Variants in SRGAP2B observed in about 807,000 individuals in gnomAD.
SRGAP2B encodes the protein SLIT-ROBO Rho GTPase-activating protein 2B.
SRGAP2B carries 9 observed loss-of-function variants against 22.2 expected under a neutral mutation model. The observed-to-expected ratio is 0.41, with a 90% CI of 0.24 to 0.71. The LOEUF (loss-of-function observed/expected upper bound fraction) is 0.71. Among genes scored for constraint, SRGAP2B ranks in the 30% least tolerant of loss-of-function variants. SRGAP2B has a pLI of 0.35. For synonymous variants in SRGAP2B, 36 were observed against 87.4 expected (o/e 0.41, Z 3.28); for missense variants, 114 against 235.8 (o/e 0.48, Z 3.38).
chr1:145,002,862 G>T (rs1459484980), intron 2 of SRGAP2B, among the ~76,000 whole-genome samples: 4 of 140,856 alleles, frequency 2.8e-5, no homozygotes, highest in Non-Finnish European at 6.1e-5. Context: ...TGAAAGTGTT[G>T]AAAGCTCAGG....
chr1:145,006,871 A>C (rs587624619), intron 2 of SRGAP2B, among the ~76,000 whole-genome samples: 1 of 150,810 alleles, frequency 6.6e-6, no homozygotes, highest in East Asian at 1.9e-4. Flanking sequence ...CCCCAGGGAG[A>C]TTAGTTCACA....
rs761746014 is a variant in SRGAP2B at position 145,028,566 on chromosome 1, TTTAG to T, written c.68-33370_68-33367del. Among the ~76,000 whole-genome samples, 12 of 149,176 alleles carry T rather than the reference TTTAG, an allele frequency of 8.0e-5. 1 individual carries two copies. The highest frequency in any genetic ancestry group is 1.2e-4 in the Non-Finnish European group (8 of 67,694). ...AGTCTTTGCGGGTGTTAGTAAGTTA[TTTAG>T]TTAGTCTGTTTTAAACAACAGTTCA... On this transcript the variant is annotated intron_variant, in intron 2 of 9. Coordinates refer to ENST00000612199, the Ensembl canonical transcript of SRGAP2B.
At chr1:145,030,721 A>AAATAT (rs1553625890) in intron 2 of SRGAP2B, among the ~76,000 whole-genome samples, 6 of 14,494 alleles carry the variant, frequency 4.1e-4, no homozygotes, top group Non-Finnish European at 6.5e-4. Context: ...AAAAAAAAAA[A>AAATAT]ATATATATAT....
intron 4 of SRGAP2B, among the ~76,000 whole-genome samples, chr1:144,934,783 C>T (rs1385264323): frequency 6.7e-6 from 1 of 148,986 alleles, no homozygotes; most frequent in Non-Finnish European, 1.5e-5. Flanking sequence ...AATTAGTAAG[C>T]AAAGGATGAG....
At chr1:144,891,641 GAAT>G (rs1237568050) in exon 10 of SRGAP2B, 2 of 116,998 alleles carry the variant, frequency 1.7e-5, no homozygotes, top group African/African-American at 7.0e-5. Context: ...AGAGATACAT[GAAT>G]AAGAAAATAC....
intron 2 of SRGAP2B, among the ~76,000 whole-genome samples, chr1:144,997,255 T>C (rs1553618609): frequency 6.6e-6 from 1 of 150,564 alleles, no homozygotes; most frequent in African/African-American, 2.5e-5. Flanking sequence ...GGTGAAACCC[T>C]GTCTCTACTA....
intron 2 of SRGAP2B, among the ~76,000 whole-genome samples, chr1:145,058,082 TG>T (rs1413923408): frequency 6.7e-6 from 1 of 149,044 alleles, no homozygotes; most frequent in African/African-American, 2.5e-5. Flanking sequence ...AGCAGCCCTA[TG>T]GGAAACGCAT....
At chr1:145,081,659 C>G (rs1396339656) in intron 2 of SRGAP2B, among the ~76,000 whole-genome samples, 1 of 149,152 alleles carries the variant, frequency 6.7e-6, no homozygotes, top group Admixed American at 6.6e-5. Flanking sequence ...TCTCCACCGC[C>G]TACCAAAATA....
chr1:144,928,498 C>T (rs1403499775), intron 4 of SRGAP2B, among the ~76,000 whole-genome samples: 2,985 of 131,534 alleles, frequency 0.023, 107 homozygotes, highest in African/African-American at 0.084. Flanking sequence ...AGTGCAGTGG[C>T]GCGATCTCTG....
intron 5 of SRGAP2B, among the ~76,000 whole-genome samples, chr1:144,911,870 C>G (rs1352688144): frequency 6.9e-6 from 1 of 144,078 alleles, no homozygotes; most frequent in Non-Finnish European, 1.5e-5. Flanking sequence ...CCGCCCACCT[C>G]AGCCTCCCAA....
chr1:145,003,776 GT>G (rs1671383122), intron 2 of SRGAP2B, among the ~76,000 whole-genome samples: 2 of 149,540 alleles, frequency 1.3e-5, no homozygotes, highest in Non-Finnish European at 3.0e-5. Context: ...AAGCTGAATG[GT>G]AGAGAGGTCA....
intron 2 of SRGAP2B, among the ~76,000 whole-genome samples, chr1:144,998,207 T>C (rs587700475): frequency 5.8e-5 from 1 of 17,256 alleles, no homozygotes; most frequent in Non-Finnish European, 1.3e-4. Flanking sequence ...GAACATCGCC[T>C]TTTCCACTTT....
At chr1:145,045,029 T>C (rs1295713809) in intron 2 of SRGAP2B, among the ~76,000 whole-genome samples, 2 of 147,696 alleles carry the variant, frequency 1.4e-5, no homozygotes, top group East Asian at 4.0e-4. Context: ...TTCATGCTGT[T>C]ATAACAGAAT....
chr1:144,929,921 T>TCCTGGGCC (rs1249746980), intron 4 of SRGAP2B, among the ~76,000 whole-genome samples: 4 of 149,946 alleles, frequency 2.7e-5, no homozygotes, highest in African/African-American at 1.0e-4. Flanking sequence ...AGGCTACCCA[T>TCCTGGGCC]CCTGGGCCCC....
intron 2 of SRGAP2B, among the ~76,000 whole-genome samples, chr1:145,017,388 GAC>G (rs1318043727): frequency 1.4e-5 from 2 of 143,552 alleles, no homozygotes; most frequent in African/African-American, 5.3e-5. Context: ...TAGAGGAAAA[GAC>G]ACAAAATAAC....
At chr1:144,905,999 C>G in exon 6 of SRGAP2B, 1 of 707,460 alleles carries the variant, frequency 1.4e-6, no homozygotes, top group East Asian at 2.7e-5. Context: ...TGCTTCTCCT[C>G]CTGCTTCTCC....
intron 4 of SRGAP2B, among the ~76,000 whole-genome samples, chr1:144,928,508 G>A (rs1175906539): frequency 1.5e-5 from 2 of 132,890 alleles, no homozygotes; most frequent in East Asian, 4.3e-4. Flanking sequence ...CGCGATCTCT[G>A]CTCACTGCAA....
intron 2 of SRGAP2B, among the ~76,000 whole-genome samples, chr1:145,064,648 C>A (rs1304943602): frequency 8.7e-5 from 13 of 149,208 alleles, no homozygotes; most frequent in Non-Finnish European, 1.8e-4. Flanking sequence ...GGAGCCTTTG[C>A]AGAGAAGAAA....
intron 3 of SRGAP2B, among the ~76,000 whole-genome samples, chr1:144,985,332 G>T (rs587607718): frequency 1.4e-5 from 2 of 143,810 alleles, no homozygotes; most frequent in East Asian, 2.0e-4. Flanking sequence ...CTGACAGTGG[G>T]TTATAAAATA....
Sources: allele counts gnomAD v4.1 joint callset (sites outside exome capture counted in the v4.1 genomes callset), GRCh38; gene constraint gnomAD v4.1.1; transcripts MANE v1.5; gene names NCBI Gene and HGNC (gene_info 2026-07-23, HGNC 2026-07-21).